The following UBE2W variants were observed in gnomAD, a reference collection of about 807,000 sequenced individuals.
The protein encoded by UBE2W is ubiquitin-conjugating enzyme E2 W.
A neutral mutation model predicts 27.2 loss-of-function variants in UBE2W; 18 were observed. That is an observed-to-expected ratio of 0.66 (90% CI 0.46 to 0.98). UBE2W has a LOEUF of 0.98. UBE2W is among the 50% of genes least tolerant of loss of function. UBE2W has a pLI of 0.00. For synonymous variants in UBE2W, 53 were observed against 57.2 expected (o/e 0.93, Z 0.33); for missense variants, 90 against 180.2 (o/e 0.50, Z 2.87).
At chr8:73,816,201 A>G (rs1027849905) in intron 3 of UBE2W, among the ~76,000 whole-genome samples, 3 of 152,208 alleles carry the variant, frequency 2.0e-5, no homozygotes, top group African/African-American at 2.4e-5. Context: ...ATTGTCTTGG[A>G]TGGTAATCAT....
At chr8:73,839,311 G>A (rs1396555449) in intron 1 of UBE2W, among the ~76,000 whole-genome samples, 1 of 136,348 alleles carries the variant, frequency 7.3e-6, no homozygotes, top group South Asian at 2.3e-4. Context: ...TGGTTATTTT[G>A]AATCATGGAA....
Position 73,788,530 on chromosome 8 carries a change from T to C in UBE2W, c.*5572A>G. The C allele has an allele frequency of 1.0e-6, 1 of 985,386 alleles. No homozygotes were observed. Among genetic ancestry groups the C allele is most frequent in the Non-Finnish European group, 1.2e-6 (1 of 829,908 alleles). 61.0% of individuals were successfully genotyped at this position (985,386 alleles called of 1,614,324 possible). The stretch of plus-strand genomic sequence containing the variant: ...AATTTGCCTTTACATAAACAATCTG[T>C]GGTTAACTATGAAAAGATGCATTTT... On this transcript the variant is annotated 3_prime_UTR_variant, in exon 6 of 6. Transcript: ENST00000602593.
chr8:73,786,820 GACT>G lies in UBE2W; in HGVS notation c.*7279_*7281del. On this transcript the variant is annotated 3_prime_UTR_variant, in exon 6 of 6. Transcript: ENST00000602593. The stretch of plus-strand genomic sequence containing the variant: ...CAGGACTTGAAAAATGCAAGGAGAG[GACT>G]ACTGAGTATCATTGCTTGATTAAGT... The G allele has an allele frequency of 1.0e-6, 1 of 985,422 alleles. No homozygotes were observed. The highest frequency in any genetic ancestry group is 1.2e-6 in the Non-Finnish European group (1 of 829,926). The allele number at this position is 985,422 out of a possible 1,614,324, so 61.0% of individuals were successfully genotyped here.
chr8:73,794,224 T>G (rs1808321032), intron 5 of UBE2W, 109 bp from the exon 6 acceptor site: 1 of 1,357,354 alleles, frequency 7.4e-7, no homozygotes, highest in East Asian at 2.5e-5. Context: ...GTACATAGTT[T>G]ACATGTCTGA....
At chr8:73,810,084 G>C (rs565897897) in intron 4 of UBE2W, among the ~76,000 whole-genome samples, 1 of 152,082 alleles carries the variant, frequency 6.6e-6, no homozygotes. Context: ...CAGGTTGATC[G>C]GGTGGGAGCT....
intron 1 of UBE2W, among the ~76,000 whole-genome samples, chr8:73,848,984 T>G (rs1358922655): frequency 6.6e-6 from 1 of 152,054 alleles, no homozygotes; most frequent in Non-Finnish European, 1.5e-5. Flanking sequence ...AATGGATGAG[T>G]ATATTATGTG....
Position 73,790,152 on chromosome 8 carries a change from T to C in UBE2W, c.*3950A>G. 1 of 984,928 alleles carries C rather than the reference T, an allele frequency of 1.0e-6. No individual in the cohort carries two copies. Among genetic ancestry groups the C allele is most frequent in the Non-Finnish European group, 1.2e-6 (1 of 829,764 alleles). The allele number at this position is 984,928 out of a possible 1,614,324, so 61.0% of individuals were successfully genotyped here. A position where few individuals can be genotyped will look rare whatever the true frequency, so the allele number is the denominator to read the frequency against. On this transcript the variant is annotated 3_prime_UTR_variant, in exon 6 of 6. Transcript: ENST00000602593. ...TCAAAAATTCATGGCATAATTTTAA[T>C]AATCGTCCTTCTGTAGAATCCCTAA...
chr8:73,848,460 G>A (rs904427093), intron 1 of UBE2W, among the ~76,000 whole-genome samples: 5 of 152,210 alleles, frequency 3.3e-5, no homozygotes, highest in African/African-American at 1.2e-4. Context: ...GCTGAGGTGG[G>A]AGGATCGCTT....
At chr8:73,845,085 T>C (rs7841996) in intron 1 of UBE2W, among the ~76,000 whole-genome samples, 60 of 6,298 alleles carry the variant, frequency 9.5e-3, no homozygotes, top group South Asian at 0.065. Context: ...CTGCACCATC[T>C]GGGAGGTGGG....
At chr8:73,784,022 A>G (rs1187977759), downstream of UBE2W, among the ~76,000 whole-genome samples, 1 of 152,070 alleles carries the variant, frequency 6.6e-6, no homozygotes, top group East Asian at 1.9e-4. Context: ...GAGTGTTGGG[A>G]TTACAGGTGT....
At chr8:73,850,725 T>TAAAAAAA (rs11318665) in intron 1 of UBE2W, among the ~76,000 whole-genome samples, 4 of 63,592 alleles carry the variant, frequency 6.3e-5, no homozygotes, top group Admixed American at 2.4e-4. Context: ...AGCAGGACAT[T>TAAAAAAA]AAAAAAAAAA....
chr8:73,796,479 G>C (rs377513625), intron 5 of UBE2W: 73 of 187,122 alleles, frequency 3.9e-4, no homozygotes, highest in African/African-American at 1.7e-3. Flanking sequence ...TTACTAACTT[G>C]TTCATTGCAG....
At chr8:73,831,805 A>AC (rs1018799806) in intron 1 of UBE2W, 1 of 151,484 alleles carries the variant, frequency 6.6e-6, no homozygotes, top group African/African-American at 2.4e-5. Context: ...TGCTCCTTCC[A>AC]CCCTGCTTTC....
chr8:73,876,121 CTAT>C (rs1298365287), intron 1 of UBE2W, among the ~76,000 whole-genome samples: 1 of 151,942 alleles, frequency 6.6e-6, no homozygotes, highest in Non-Finnish European at 1.5e-5. Flanking sequence ...TCTTATGAGA[CTAT>C]TTATTATTAA....
intron 1 of UBE2W, among the ~76,000 whole-genome samples, chr8:73,871,011 G>A (rs1221233374): frequency 6.6e-6 from 1 of 152,106 alleles, no homozygotes; most frequent in Non-Finnish European, 1.5e-5. Flanking sequence ...TTCTGAGGAA[G>A]AGAGGGAAGT....
chr8:73,812,139 T>C (rs1045088559), intron 3 of UBE2W, among the ~76,000 whole-genome samples: 5 of 151,802 alleles, frequency 3.3e-5, no homozygotes, highest in Admixed American at 1.3e-4. Context: ...GGCATTTTTT[T>C]CCCAAAGGAA....
At chr8:73,865,149 ATTC>A (rs954747190) in intron 1 of UBE2W, among the ~76,000 whole-genome samples, 3 of 142,298 alleles carry the variant, frequency 2.1e-5, no homozygotes, top group Admixed American at 7.5e-5. Flanking sequence ...AGAATGACAA[ATTC>A]TTCACTGCTC....
intron 1 of UBE2W, among the ~76,000 whole-genome samples, chr8:73,830,808 A>G (rs1467380359): frequency 6.6e-6 from 1 of 152,220 alleles, no homozygotes; most frequent in Non-Finnish European, 1.5e-5. Flanking sequence ...AAAACAACAT[A>G]ACATCTTTCC....
At chr8:73,809,157 A>C (rs952084675) in intron 4 of UBE2W, among the ~76,000 whole-genome samples, 1 of 152,160 alleles carries the variant, frequency 6.6e-6, no homozygotes. Context: ...GAGAGGAGAA[A>C]ATATAACAGC....
Sources: allele counts gnomAD v4.1 joint callset (sites outside exome capture counted in the v4.1 genomes callset), GRCh38; gene constraint gnomAD v4.1.1; transcripts MANE v1.5; gene names NCBI Gene and HGNC (gene_info 2026-07-23, HGNC 2026-07-21).